The following ADGRB1 variants were observed in gnomAD, a reference collection of about 807,000 sequenced individuals.
The protein encoded by ADGRB1 is adhesion G protein-coupled receptor B1.
A neutral mutation model predicts 175.7 loss-of-function variants in ADGRB1; 36 were observed. The observed-to-expected ratio is 0.20, with a 90% confidence interval of 0.16 to 0.27. The LOEUF is 0.27. Among genes scored for constraint, ADGRB1 ranks in the 10% least tolerant of loss-of-function variants. The pLI is 1.00. For synonymous variants in ADGRB1, 1,054 were observed against 979.4 expected, an observed-to-expected ratio of 1.08 and a Z score of -1.42; for missense variants, 1,731 against 2,255.3, an observed-to-expected ratio of 0.77 and a Z score of 4.71.
chr8:142,504,316 G>A lies in ADGRB1; in HGVS notation c.2676-6616G>A, dbSNP rs1331459359. The stretch of plus-strand genomic sequence containing the variant: ...GGAGGCTAATCACACAGGATGCGGG[G>A]CCTGTGGCCAGGGGACCAGCCAGGA... On this transcript the variant is annotated intron_variant, in intron 17 of 30. Coordinates refer to ENST00000517894, the MANE Select transcript of ADGRB1 (RefSeq NM_001702.3). This position sits in a 1 kb window ranked among gnomAD's most constrained non-coding sequence, Gnocchi z 5.6. Among the ~76,000 whole-genome samples the A allele has an allele frequency of 6.6e-6, 1 of 152,188 alleles. No individual in the cohort carries two copies. Among genetic ancestry groups the A allele is most frequent in the Non-Finnish European group, 1.5e-5 (1 of 68,020 alleles).
In ADGRB1 at chr8:142,530,014, G is replaced by A. The variant is rs117454032; in HGVS notation, c.3399-3281G>A. Among the ~76,000 whole-genome samples the A allele has an allele frequency of 3.5e-3, 532 of 151,362 alleles. 4 individuals are homozygous for A. The highest frequency in any genetic ancestry group is 0.034 in the East Asian group (176 of 5,106). On this transcript the variant is annotated intron_variant, in intron 24 of 30. Coordinates refer to ENST00000517894, the MANE Select transcript of ADGRB1 (RefSeq NM_001702.3). ...TGTGTGTGAGCGCAACCTGCTGTGC[G>A]TATGTGTGAGCGTGCATCTCTGTGT...
At chr8:142,536,326 C>T (rs192039961) in intron 25 of ADGRB1, among the ~76,000 whole-genome samples, 253 of 152,240 alleles carry the variant, frequency 1.7e-3, no homozygotes, top group African/African-American at 5.6e-3. Context: ...AGTTGGCATT[C>T]GTAGATGATG....
intron 1 of ADGRB1, among the ~76,000 whole-genome samples, chr8:142,454,618 G>T (rs1839551701): frequency 1.3e-5 from 2 of 152,156 alleles, no homozygotes; most frequent in Non-Finnish European, 2.9e-5. Flanking sequence ...GACCCAGGGG[G>T]TGCTGGCCCT....
At chr8:142,524,032 A>C (rs999883399) in intron 22 of ADGRB1, among the ~76,000 whole-genome samples, 4 of 152,098 alleles carry the variant, frequency 2.6e-5, no homozygotes, top group Non-Finnish European at 4.4e-5. Flanking sequence ...CATCTGTAAA[A>C]TGGGGGTGAC....
chr8:142,542,123 G>C lies in ADGRB1; in HGVS notation c.3889G>C (p.Gly1297Arg). The change falls in exon 28 of 31, where the codon GGG becomes CGG. Residue 1297 changes from glycine to arginine, a missense_variant. Physicochemically the swap from Gly to Arg is moderately radical, Grantham distance 125 (BLOSUM62 -2). This residue lies in a region of ADGRB1 where 394 missense variants were observed against 410.2 expected (regional missense o/e 0.96). Coordinates refer to ENST00000517894, the MANE Select transcript of ADGRB1 (RefSeq NM_001702.3). The surrounding 1 kb of genome is among the most constrained non-coding windows in gnomAD (Gnocchi z 6.3). ...GCACGGCTCACCCCGCTATCCCGGC[G>C]GGCCCCTGCCCGACTTCCCCAACCA... Reference protein sequence around the residue: ...HLHGSPRYPGGPLPDFPNHSL... With the variant: ...HLHGSPRYPGRPLPDFPNHSL... 6.2e-7 allele frequency: 1 copy of C among 1,613,488 alleles called. No individual in the cohort carries two copies. Among genetic ancestry groups the C allele is most frequent in the South Asian group, 1.1e-5 (1 of 91,074 alleles).
chr8:142,503,981 G>T (rs1222164956), intron 17 of ADGRB1, among the ~76,000 whole-genome samples: 1 of 152,146 alleles, frequency 6.6e-6, no homozygotes, highest in Non-Finnish European at 1.5e-5. Context: ...GCAGCTCTGG[G>T]AGAAGCCCAG....
chr8:142,498,942 G>C (rs1358094831), intron 17 of ADGRB1, among the ~76,000 whole-genome samples: 1 of 152,128 alleles, frequency 6.6e-6, no homozygotes, highest in Admixed American at 6.5e-5. Flanking sequence ...CTGCCTCCCC[G>C]GGGCCCCAGC....
chr8:142,481,378 G>A lies in ADGRB1; in HGVS notation c.1935+18G>A, dbSNP rs370565382. ...AGATGATGGTGAGGGCCAGTTCCCGGGGGTCTCCAACCCCTCCCCAATCAC... is the reference window on the plus strand; with the variant it reads ...AGATGATGGTGAGGGCCAGTTCCCGAGGGTCTCCAACCCCTCCCCAATCAC... On this transcript the variant is annotated intron_variant, in intron 10 of 30. Transcript: ENST00000517894. 6.2e-7 allele frequency: 1 copy of A among 1,612,850 alleles called. No individual in the cohort carries two copies. The highest frequency in any genetic ancestry group is 1.1e-5 in the South Asian group (1 of 91,076).
chr8:142,539,769 A>C, intron 27 of ADGRB1: 4 of 395,830 alleles, frequency 1.0e-5, no homozygotes, highest in South Asian at 3.4e-5. Context: ...GCACAGCCTC[A>C]CCCTAGTGCC....
intron 25 of ADGRB1, among the ~76,000 whole-genome samples, chr8:142,535,789 C>T (rs781080597): frequency 6.6e-6 from 1 of 151,940 alleles, no homozygotes; most frequent in Non-Finnish European, 1.5e-5. Flanking sequence ...TGGGACCGGG[C>T]ACACGGTAGG....
intron 23 of ADGRB1, 33 bp from the exon 24 acceptor site, chr8:142,526,509 A>AC (rs971868773): frequency 8.6e-6 from 4 of 463,086 alleles, no homozygotes; most frequent in Admixed American, 4.3e-5. Flanking sequence ...GGCGGCCCCC[A>AC]CCCCCACACC....
chr8:142,451,715 C>T (rs1449729139), intron 1 of ADGRB1, among the ~76,000 whole-genome samples: 3 of 152,042 alleles, frequency 2.0e-5, no homozygotes, highest in Non-Finnish European at 4.4e-5. Flanking sequence ...GCCGCGCGGG[C>T]GGAGGCGGGG....
intron 21 of ADGRB1, 144 bp from the exon 22 acceptor site, chr8:142,522,497 C>T (rs1233712748): frequency 1.2e-6 from 1 of 811,550 alleles, no homozygotes; most frequent in African/African-American, 1.8e-5. Flanking sequence ...CACCTCCTGC[C>T]CCATCTCTTG....
In ADGRB1 at chr8:142,520,918, G is replaced by A. The variant is rs374047873; in HGVS notation, c.3017G>A (p.Arg1006His). The change falls in exon 20 of 31, where the codon CGC (arginine) becomes CAC (histidine). Residue 1006 changes from arginine to histidine, a missense_variant. Arg to His is a conservative substitution (Grantham distance 29). This residue lies in a region of ADGRB1 where 301 missense variants were observed against 488.4 expected (regional missense o/e 0.62). Coordinates refer to ENST00000517894, the MANE Select transcript of ADGRB1 (RefSeq NM_001702.3). ...ALILIGQTQT[R>H]NKVVCTLVAA... ...ATCCTCATCGGGCAGACCCAGACCC[G>A]CAACAAGGTAGGCAGCCTTGCGTCC... 3.8e-5 allele frequency: 61 copies of A among 1,612,572 alleles called. No individual in the cohort carries two copies. The Admixed American group carries it at 5.0e-4, about 13-fold the overall frequency.
intron 25 of ADGRB1, among the ~76,000 whole-genome samples, chr8:142,536,403 C>T (rs1388726149): frequency 6.6e-6 from 1 of 152,214 alleles, no homozygotes; most frequent in African/African-American, 2.4e-5. Flanking sequence ...GGCCGCTGGT[C>T]TTCCCCTGTA....
chr8:142,499,708 C>T (rs987862086), intron 17 of ADGRB1, among the ~76,000 whole-genome samples: 1 of 152,226 alleles, frequency 6.6e-6, no homozygotes, highest in Non-Finnish European at 1.5e-5. Flanking sequence ...CGTCCCCATG[C>T]CGCCTTTTAG....
intron 11 of ADGRB1, among the ~76,000 whole-genome samples, chr8:142,483,719 C>T (rs1409146049): frequency 1.1e-5 from 1 of 91,700 alleles, no homozygotes; most frequent in African/African-American, 7.5e-5. Context: ...AACCCTGACC[C>T]TGGTCACATG....
At chr8:142,503,736 A>C (rs113487689) in intron 17 of ADGRB1, among the ~76,000 whole-genome samples, 16 of 152,306 alleles carry the variant, frequency 1.1e-4, no homozygotes, top group African/African-American at 3.8e-4. Context: ...CCTGGCAGAC[A>C]GCCTGGGGCC....
intron 17 of ADGRB1, among the ~76,000 whole-genome samples, chr8:142,506,590 C>T (rs146968813): frequency 1.5e-4 from 23 of 152,304 alleles, no homozygotes; most frequent in African/African-American, 5.1e-4. Context: ...TCGCTGTGTG[C>T]GAGGAGGGAA....
Sources: gnomAD v4.1 joint callset for allele counts (sites outside exome capture counted in the v4.1 genomes callset) on GRCh38, gnomAD v4.1.1 for gene constraint, gnomAD v4.1.1 regional missense constraint, Gnocchi (gnomAD v3.1) non-coding constraint, MANE v1.5 for transcripts, NCBI Gene and HGNC (gene_info 2026-07-23, HGNC 2026-07-21) for gene names.